Variants in SLC24A3 observed in about 807,000 individuals in gnomAD.
The protein encoded by SLC24A3 is solute carrier family 24 member 3, also known as sodium/potassium/calcium exchanger 3.
A neutral mutation model predicts 75.8 loss-of-function variants in SLC24A3; 28 were observed. That is an observed-to-expected ratio of 0.37 (90% confidence interval 0.27 to 0.51). The LOEUF (loss-of-function observed/expected upper bound fraction) is 0.51. Ranked by LOEUF, SLC24A3 falls within the 20% of genes least tolerant of loss-of-function variation. The pLI, the probability that SLC24A3 is intolerant of heterozygous loss-of-function variation, is 0.94. For synonymous variants in SLC24A3, 372 were observed against 334.1 expected (o/e 1.11, Z -1.24); for missense variants, 663 against 847.8 (o/e 0.78, Z 2.71).
intron 2 of SLC24A3, among the ~76,000 whole-genome samples, chr20:19,331,627 G>T (rs1046776841): frequency 6.6e-6 from 1 of 152,082 alleles, no homozygotes; most frequent in Non-Finnish European, 1.5e-5. Context: ...GCAAAAAATA[G>T]AATAAATAAA....
chr20:19,390,074 T>C (rs1260184253), intron 2 of SLC24A3, among the ~76,000 whole-genome samples: 1 of 152,216 alleles, frequency 6.6e-6, no homozygotes, highest in Non-Finnish European at 1.5e-5. Context: ...TTCCTTTTTA[T>C]GGTTTCTAGC....
intron 2 of SLC24A3, among the ~76,000 whole-genome samples, chr20:19,346,160 G>GTATA (rs200564937): frequency 0.019 from 831 of 43,010 alleles, 108 homozygotes; most frequent in African/African-American, 0.092. Flanking sequence ...TATATATGGT[G>GTATA]TATATATATG....
At position 19,256,736 on chromosome 20, in the gene SLC24A3, T is replaced by A. The variant is rs1362500148; in HGVS notation, c.143-24223T>A. 3.6e-5 allele frequency among the ~76,000 whole-genome samples: 5 copies of A among 136,988 alleles called. No homozygotes were observed. In the East Asian group the frequency reaches 1.1e-3, roughly 29 times the overall value. 89.9% of individuals were successfully genotyped at this position (136,988 alleles called of 152,430 possible). A position where few individuals can be genotyped will look rare whatever the true frequency, so the allele number is the denominator to read the frequency against. On this transcript the variant is annotated intron_variant, in intron 1 of 16. Transcript: ENST00000328041. ...GTGAGCTGAGATCATGCCACTGCAC[T>A]CCAGCCTGGGTAACAGAGCAAGACG...
intron 2 of SLC24A3, among the ~76,000 whole-genome samples, chr20:19,403,151 A>G (rs1266956158): frequency 6.6e-6 from 1 of 152,202 alleles, no homozygotes; most frequent in Non-Finnish European, 1.5e-5. Flanking sequence ...AAAACTGGGG[A>G]AGGGCCAGTG....
At chr20:19,569,703 C>T (rs192833285) in intron 3 of SLC24A3, among the ~76,000 whole-genome samples, 2 of 152,078 alleles carry the variant, frequency 1.3e-5, no homozygotes, top group Admixed American at 6.5e-5. Flanking sequence ...CAGGGTCTGG[C>T]GGCAGCTGCT....
intron 1 of SLC24A3, among the ~76,000 whole-genome samples, chr20:19,224,121 A>AGTGTGTGTGT (rs11470026): frequency 6.7e-6 from 1 of 149,210 alleles, no homozygotes; most frequent in African/African-American, 2.5e-5. Flanking sequence ...TGAGTGTGTG[A>AGTGTGTGTGT]GTGTGTGTGT....
At position 19,501,635 on chromosome 20, in the gene SLC24A3, G is replaced by A. The variant is rs187717341; in HGVS notation, c.272-13853G>A. ...TCTGAACACATGTTCTTGCCTCTGA[G>A]CCTTGGGGCATCACCTGTCAGAGAC... On this transcript the variant is annotated intron_variant, in intron 2 of 16. Coordinates refer to ENST00000328041, the MANE Select transcript of SLC24A3 (RefSeq NM_020689.4). Among the ~76,000 whole-genome samples, 35 of 152,308 alleles carry A rather than the reference G, an allele frequency of 2.3e-4. No homozygotes were observed. In the East Asian group the frequency reaches 6.2e-3, roughly 27 times the overall value.
At chr20:19,513,025 A>G (rs1253211597) in intron 2 of SLC24A3, among the ~76,000 whole-genome samples, 1 of 152,194 alleles carries the variant, frequency 6.6e-6, no homozygotes. Context: ...CTCTGAGACT[A>G]GGAGAACAAT....
At chr20:19,592,620 C>T (rs543315453) in intron 6 of SLC24A3, among the ~76,000 whole-genome samples, 56 of 152,186 alleles carry the variant, frequency 3.7e-4, no homozygotes, top group African/African-American at 1.2e-3. Context: ...AGGAACCTCT[C>T]GTGGCCAGGG....
intron 6 of SLC24A3, 147 bp downstream of exon 6, chr20:19,585,691 C>T: frequency 1.4e-6 from 1 of 713,094 alleles, no homozygotes; most frequent in Non-Finnish European, 2.3e-6. Flanking sequence ...CCTCACATCC[C>T]AGGAGGCTGG....
intron 15 of SLC24A3, among the ~76,000 whole-genome samples, chr20:19,705,106 G>A (rs1328499307): frequency 1.3e-5 from 2 of 152,166 alleles, no homozygotes; most frequent in African/African-American, 2.4e-5. Flanking sequence ...AAAAGACAGG[G>A]CAGGGTCTGC....
At chr20:19,345,547 G>C (rs565063326) in intron 2 of SLC24A3, among the ~76,000 whole-genome samples, 2 of 152,050 alleles carry the variant, frequency 1.3e-5, no homozygotes, top group East Asian at 3.9e-4. Flanking sequence ...GGTAAAAGAA[G>C]GACTAATATC....
intron 3 of SLC24A3, among the ~76,000 whole-genome samples, chr20:19,534,968 G>C (rs1260254049): frequency 6.6e-6 from 1 of 152,174 alleles, no homozygotes; most frequent in Non-Finnish European, 1.5e-5. Flanking sequence ...TAAATGCAGG[G>C]TTTCTCACAA....
chr20:19,663,160 A>G (rs971549858), intron 7 of SLC24A3, among the ~76,000 whole-genome samples: 1 of 151,874 alleles, frequency 6.6e-6, no homozygotes, highest in Non-Finnish European at 1.5e-5. Flanking sequence ...CCTCAAACTC[A>G]TGGCTCAAGT....
At chr20:19,350,803 T>A (rs553668563) in intron 2 of SLC24A3, among the ~76,000 whole-genome samples, 2 of 152,330 alleles carry the variant, frequency 1.3e-5, no homozygotes, top group East Asian at 3.9e-4. Flanking sequence ...TTGAGTTCCA[T>A]GGGTTGTGAG....
chr20:19,557,035 C>T (rs1475659268), intron 3 of SLC24A3, among the ~76,000 whole-genome samples: 2 of 152,202 alleles, frequency 1.3e-5, no homozygotes, highest in Non-Finnish European at 2.9e-5. Context: ...AGCCCCAGCC[C>T]TTTGGAGATC....
chr20:19,238,104 C>T (rs2122158755), intron 1 of SLC24A3, among the ~76,000 whole-genome samples: 1 of 152,284 alleles, frequency 6.6e-6, no homozygotes, highest in East Asian at 1.9e-4. Flanking sequence ...ACTAACTAGA[C>T]AGCAGCCGCC....
intron 2 of SLC24A3, among the ~76,000 whole-genome samples, chr20:19,314,104 A>G (rs1362025429): frequency 6.6e-6 from 1 of 152,118 alleles, no homozygotes; most frequent in Non-Finnish European, 1.5e-5. Context: ...ATAAACAACA[A>G]AAGCCTTCAC....
chr20:19,615,106 A>G (rs769977607), intron 6 of SLC24A3, among the ~76,000 whole-genome samples: 20 of 152,222 alleles, frequency 1.3e-4, no homozygotes, highest in Non-Finnish European at 2.9e-4. Flanking sequence ...TCCTTCTCCC[A>G]TTGGTTTTGT....
Sources: gnomAD v4.1 joint callset for allele counts (sites outside exome capture counted in the v4.1 genomes callset) on GRCh38, gnomAD v4.1.1 for gene constraint, MANE v1.5 for transcripts, NCBI Gene and HGNC (gene_info 2026-07-23, HGNC 2026-07-21) for gene names.